The following ZFP90 variants were observed in gnomAD, a reference collection of about 807,000 sequenced individuals.
ZFP90 encodes ZFP90 zinc finger protein.
A neutral mutation model predicts 60.8 loss-of-function variants in ZFP90; 38 were observed. That is an observed-to-expected ratio of 0.62 (90% CI 0.48 to 0.82). ZFP90 has a LOEUF of 0.82. Among genes scored for constraint, ZFP90 ranks in the 40% least tolerant of loss-of-function variants. ZFP90 has a pLI of 0.00. For missense variants in ZFP90, 711 were observed against 759.1 expected, an observed-to-expected ratio of 0.94 and a Z score of 0.74; for synonymous variants, 287 against 264.8, an observed-to-expected ratio of 1.08 and a Z score of -0.82.
At chr16:68,569,859 A>G (rs867438692), downstream of ZFP90, among the ~76,000 whole-genome samples, 6 of 152,126 alleles carry the variant, frequency 3.9e-5, no homozygotes, top group East Asian at 7.7e-4. Flanking sequence ...TTCTGTTGCT[A>G]TGGTTGACAC....
intron 2 of ZFP90, among the ~76,000 whole-genome samples, chr16:68,548,965 G>A (rs776732859): frequency 1.3e-4 from 20 of 152,110 alleles, no homozygotes; most frequent in Middle Eastern, 3.4e-3. Context: ...ACTAACCCAT[G>A]TGTTTTTTTT....
At chr16:68,542,417 CCT>C (rs2152055795) in intron 2 of ZFP90, among the ~76,000 whole-genome samples, 1 of 152,122 alleles carries the variant, frequency 6.6e-6, no homozygotes, top group East Asian at 1.9e-4. Flanking sequence ...ATGGTGAAAC[CCT>C]GTTTCCACTA....
chr16:68,540,286 G>C (rs1318960975), intron 2 of ZFP90, among the ~76,000 whole-genome samples: 1 of 152,122 alleles, frequency 6.6e-6, no homozygotes, highest in Non-Finnish European at 1.5e-5. Flanking sequence ...CTAGGAAGAG[G>C]CTGGAGATGG....
At chr16:68,558,300 G>A in intron 3 of ZFP90, 173 bp from the exon 4 acceptor site, 3 of 1,194,420 alleles carry the variant, frequency 2.5e-6, no homozygotes, top group South Asian at 2.5e-5. Flanking sequence ...TAGGTAAAAG[G>A]TCTTTATTTT....
At chr16:68,554,616 A>G (rs898485135) in intron 2 of ZFP90, among the ~76,000 whole-genome samples, 1 of 152,178 alleles carries the variant, frequency 6.6e-6, no homozygotes, top group Non-Finnish European at 1.5e-5. Context: ...TGGTTAGCAC[A>G]TTCTTCACCT....
chr16:68,544,011 C>T (rs139701706), intron 2 of ZFP90, among the ~76,000 whole-genome samples: 28,140 of 151,836 alleles, frequency 0.19, 2,954 homozygotes, highest in African/African-American at 0.28. Flanking sequence ...CACCACCACG[C>T]CCGGCTAATT....
chr16:68,572,788 C>T (rs921221971), intron 2 of ZFP90, among the ~76,000 whole-genome samples: 1 of 152,194 alleles, frequency 6.6e-6, no homozygotes, highest in Non-Finnish European at 1.5e-5. Flanking sequence ...AATGTTTGTT[C>T]CTTAAAATGT....
At position 68,566,186 on chromosome 16, in the gene ZFP90, CT is replaced by C. The variant is rs1427028841; in HGVS notation, c.*1490del. Reference sequence around the variant, plus strand: ...TTCTATTAGTAAAGCATCAGCTAAGCTTCAGTGGCCTGCTCCATCCCCTAAT... The same window carrying C: ...TTCTATTAGTAAAGCATCAGCTAAGCTCAGTGGCCTGCTCCATCCCCTAAT... On this transcript the variant is annotated 3_prime_UTR_variant, in exon 5 of 5. Coordinates refer to ENST00000563169, the MANE Select transcript of ZFP90 (RefSeq NM_001305203.2). 1.0e-6 allele frequency: 1 copy of C among 985,514 alleles called. No individual in the cohort carries two copies. The highest frequency in any genetic ancestry group is 1.1e-4 in the East Asian group (1 of 8,952). The allele number at this position is 985,514 out of a possible 1,614,324, so 61.0% of individuals were successfully genotyped here. A position where few individuals can be genotyped will look rare whatever the true frequency, so the allele number is the denominator to read the frequency against.
chr16:68,550,237 C>T (rs1460557085), intron 2 of ZFP90, among the ~76,000 whole-genome samples: 1 of 151,960 alleles, frequency 6.6e-6, no homozygotes, highest in East Asian at 1.9e-4. Flanking sequence ...GATAGTAAAT[C>T]TTTGAAATTC....
chr16:68,560,401 C>A (rs1328899078), intron 4 of ZFP90, among the ~76,000 whole-genome samples: 3 of 152,144 alleles, frequency 2.0e-5, no homozygotes, highest in Non-Finnish European at 4.4e-5. Context: ...TGGCTTCTTT[C>A]ACTTAGCATG....
intron 2 of ZFP90, among the ~76,000 whole-genome samples, chr16:68,553,573 A>G (rs936863041): frequency 6.6e-6 from 1 of 152,128 alleles, no homozygotes; most frequent in Admixed American, 6.5e-5. Flanking sequence ...AATCGGTGCC[A>G]TTGGAGGCCT....
chr16:68,564,960 A>AT lies in ZFP90; in HGVS notation c.*263dup. ...CCTGTATGTTGGACTTTGCTTTTGA[A>AT]TATATGTATGCAGGATATCATCAAG... On this transcript the variant is annotated 3_prime_UTR_variant, in exon 5 of 5. Transcript: ENST00000563169. 1 of 1,203,308 alleles carries AT rather than the reference A, an allele frequency of 8.3e-7. No homozygotes were observed. Among genetic ancestry groups the AT allele is most frequent in the Non-Finnish European group, 1.0e-6 (1 of 968,532 alleles). The allele number at this position is 1,203,308 out of a possible 1,614,324, so 74.5% of individuals were successfully genotyped here.
chr16:68,570,453 A>T (rs2091561744), downstream of ZFP90, among the ~76,000 whole-genome samples: 2 of 152,310 alleles, frequency 1.3e-5, no homozygotes, highest in South Asian at 4.1e-4. Flanking sequence ...CTATATTTAT[A>T]CCCATTTTTA....
At chr16:68,561,933 A>G (rs2091444491) in intron 4 of ZFP90, 1 of 152,210 alleles carries the variant, frequency 6.6e-6, no homozygotes, top group African/African-American at 2.4e-5. Flanking sequence ...TACAGTCAAT[A>G]CCACATACCT....
chr16:68,555,764 TGC>T (rs1238073507), intron 2 of ZFP90, among the ~76,000 whole-genome samples: 16 of 152,302 alleles, frequency 1.1e-4, no homozygotes, highest in Admixed American at 6.5e-4. Flanking sequence ...ACTGGAGATC[TGC>T]TAACTGGCAC....
Position 68,563,967 on chromosome 16 carries a change from T to A in ZFP90, c.1180T>A (p.Phe394Ile). The A allele has an allele frequency of 6.2e-7, 1 of 1,614,124 alleles. No homozygotes were observed. The highest frequency in any genetic ancestry group is 8.5e-7 in the Non-Finnish European group (1 of 1,179,998). ...GAGGACTCATACTGGAGAGAAACCT[T>A]TTGAATGTAGCATATGTGGGAGGGC... ...HERTHTGEKPFECSICGRAFG... is the reference protein window; with the variant it reads ...HERTHTGEKPIECSICGRAFG... Residue 394 changes from phenylalanine (F) to isoleucine (I), a missense_variant, in exon 5 of 5, where the codon TTT becomes ATT. Around this residue, in one of 5 missense-constraint regions of ZFP90, gnomAD observed 146 missense variants for 201.4 expected, o/e 0.73. Transcript: ENST00000563169.
chr16:68,557,853 A>G, intron 2 of ZFP90, 145 bp from the exon 3 acceptor site: 6 of 1,133,232 alleles, frequency 5.3e-6, no homozygotes, highest in Non-Finnish European at 7.6e-6. Flanking sequence ...TTATGTAAAC[A>G]ATAAGTTTAT....
chr16:68,558,780 C>G (rs1477524777), intron 4 of ZFP90, among the ~76,000 whole-genome samples: 1 of 152,168 alleles, frequency 6.6e-6, no homozygotes, highest in Non-Finnish European at 1.5e-5. Context: ...TGATTCCCTT[C>G]ATTAATTAGA....
rs552298615 is a variant in ZFP90 at position 68,564,030 on chromosome 16, A to T, written c.1243A>T (p.Ile415Phe). 5.0e-6 allele frequency: 8 copies of T among 1,614,094 alleles called. No individual in the cohort carries two copies. Among genetic ancestry groups the T allele is most frequent in the African/African-American group, 1.3e-5 (1 of 75,028 alleles). ...QSPSLYKHMRIHKRGKPYQSS... is the reference protein window; with the variant it reads ...QSPSLYKHMRFHKRGKPYQSS... ...CCCATCCCTTTATAAACATATGAGGATTCATAAGAGAGGCAAACCTTACCA... is the reference window on the plus strand; with the variant it reads ...CCCATCCCTTTATAAACATATGAGGTTTCATAAGAGAGGCAAACCTTACCA... The change falls in exon 5 of 5, where the codon ATT (isoleucine) becomes TTT (phenylalanine). Residue 415 changes from isoleucine to phenylalanine, a missense_variant. Physicochemically the swap from Ile to Phe is conservative, Grantham distance 21 (BLOSUM62 0). Transcript: ENST00000563169.
Sources: gnomAD v4.1 joint callset for allele counts (sites outside exome capture counted in the v4.1 genomes callset) on GRCh38, gnomAD v4.1.1 for gene constraint, gnomAD v4.1.1 regional missense constraint, MANE v1.5 for transcripts, NCBI Gene and HGNC (gene_info 2026-07-23, HGNC 2026-07-21) for gene names.